ADAMTSL1: variants seen among roughly 807,000 people sequenced by gnomAD.
The protein encoded by ADAMTSL1 is ADAMTS like 1, also known as ADAMTS-like protein 1.
ADAMTSL1 carries 126 observed loss-of-function variants against 201.8 expected under a neutral mutation model. That is an observed-to-expected ratio of 0.62 (90% CI 0.54 to 0.72). The LOEUF is 0.72. Ranked by LOEUF, ADAMTSL1 falls within the 30% of genes least tolerant of loss-of-function variation. The pLI is 0.00. For missense variants in ADAMTSL1, 2,679 were observed against 2,277.8 expected (o/e 1.18, Z -3.59); for synonymous variants, 1,121 against 903.4 (o/e 1.24, Z -4.32).
At chr9:17,992,106 G>A (rs1023930421) in intron 1 of ADAMTSL1, among the ~76,000 whole-genome samples, 7 of 152,122 alleles carry the variant, frequency 4.6e-5, no homozygotes, top group South Asian at 2.1e-4. Flanking sequence ...ACTTTCTCAC[G>A]GGCCATATAG....
chr9:18,093,790 G>A (rs1257667840), intron 1 of ADAMTSL1, among the ~76,000 whole-genome samples: 1 of 152,162 alleles, frequency 6.6e-6, no homozygotes, highest in East Asian at 1.9e-4. Flanking sequence ...CACTGAGGAA[G>A]AGATCACACA....
At chr9:18,599,803 AT>A (rs1824506741) in intron 4 of ADAMTSL1, among the ~76,000 whole-genome samples, 2 of 150,670 alleles carry the variant, frequency 1.3e-5, no homozygotes, top group African/African-American at 4.8e-5. Context: ...TAATTTATTT[AT>A]AACTGTAATA....
Position 18,753,526 on chromosome 9 carries a change from T to A in ADAMTSL1, c.2217+18T>A, listed in dbSNP as rs1421104225. 3.1e-6 allele frequency: 5 copies of A among 1,600,708 alleles called. No homozygotes were observed. The South Asian group carries it at 5.6e-5, about 18-fold the overall frequency. On this transcript the variant is annotated intron_variant, in intron 16 of 28. Transcript: ENST00000380548. ...GGCAGCCGGTGAGTTCTGAAGTTAC[T>A]CAATATTGGAGCTTTTGTTTGCAAC...
intron 2 of ADAMTSL1, among the ~76,000 whole-genome samples, chr9:18,456,626 G>A (rs972660180): frequency 1.3e-5 from 2 of 152,032 alleles, no homozygotes; most frequent in Non-Finnish European, 2.9e-5. Flanking sequence ...CTTTTTATTC[G>A]ATTACCACAT....
intron 2 of ADAMTSL1, among the ~76,000 whole-genome samples, chr9:18,297,831 T>C (rs532208683): frequency 6.6e-6 from 1 of 152,346 alleles, no homozygotes; most frequent in Admixed American, 6.5e-5. Flanking sequence ...TAAAAAATAT[T>C]GTACCTAGTA....
intron 4 of ADAMTSL1, among the ~76,000 whole-genome samples, chr9:18,575,470 A>G (rs1050709224): frequency 2.0e-5 from 3 of 152,214 alleles, no homozygotes; most frequent in African/African-American, 4.8e-5. Context: ...GAGTTATTCA[A>G]TCAACATTCT....
In ADAMTSL1 at chr9:18,892,399, AC is replaced by A; in HGVS notation, c.4656del (p.Ser1553ProfsTer18). The A allele has an allele frequency of 6.2e-7, 1 of 1,612,400 alleles. No homozygotes were observed. The highest frequency in any genetic ancestry group is 2.2e-5 in the East Asian group (1 of 44,844). Reference protein sequence around the residue: ...RRDCPSRWMVTSWSACTRSCG... With the variant: ...RRDCPSRWMVXSWSACTRSCG... ...TCTTCCTCTCCCCAGGTGGATGGTG[AC>A]CTCCTGGTCTGCCTGTACCCGGAGC... On this transcript the variant is annotated frameshift_variant, in exon 26 of 29. Coordinates refer to ENST00000380548, the MANE Select transcript of ADAMTSL1 (RefSeq NM_001040272.6). LOFTEE classifies it high-confidence loss of function.
chr9:18,863,240 T>C (rs1171789200), intron 23 of ADAMTSL1, among the ~76,000 whole-genome samples: 1 of 152,194 alleles, frequency 6.6e-6, no homozygotes. Flanking sequence ...AGTAACCCAA[T>C]CATTTTGGAA....
intron 20 of ADAMTSL1, among the ~76,000 whole-genome samples, chr9:18,807,359 T>C (rs956773876): frequency 1.3e-5 from 2 of 152,174 alleles, no homozygotes; most frequent in Non-Finnish European, 2.9e-5. Flanking sequence ...GCATACATAG[T>C]ACAGGCCGGG....
At chr9:18,170,754 G>A (rs1827853850) in intron 2 of ADAMTSL1, among the ~76,000 whole-genome samples, 1 of 152,028 alleles carries the variant, frequency 6.6e-6, no homozygotes, top group Non-Finnish European at 1.5e-5. Context: ...TCTCAGAAAG[G>A]CCAGCCCATG....
chr9:18,787,697 A>T (rs1388452044), intron 19 of ADAMTSL1, among the ~76,000 whole-genome samples: 2 of 152,208 alleles, frequency 1.3e-5, no homozygotes, highest in Admixed American at 6.5e-5. Context: ...TAAACTGACT[A>T]TACTCAACTC....
chr9:18,099,285 C>G (rs150714770), intron 1 of ADAMTSL1, among the ~76,000 whole-genome samples: 2 of 135,060 alleles, frequency 1.5e-5, no homozygotes, highest in Non-Finnish European at 3.1e-5. Flanking sequence ...TTTTCTTTCC[C>G]GAGTAAGTCA....
intron 2 of ADAMTSL1, among the ~76,000 whole-genome samples, chr9:18,310,043 A>G (rs1350098042): frequency 6.6e-6 from 1 of 152,102 alleles, no homozygotes; most frequent in Non-Finnish European, 1.5e-5. Flanking sequence ...CACATCTACA[A>G]CCATCTGATC....
At chr9:18,310,521 A>C (rs1834106433) in intron 2 of ADAMTSL1, among the ~76,000 whole-genome samples, 1 of 152,178 alleles carries the variant, frequency 6.6e-6, no homozygotes. Context: ...AGAAAAAACA[A>C]CCCCATCAAA....
intron 1 of ADAMTSL1, among the ~76,000 whole-genome samples, chr9:18,068,162 C>A (rs1822793617): frequency 6.6e-6 from 1 of 152,048 alleles, no homozygotes; most frequent in Admixed American, 6.5e-5. Flanking sequence ...CCCACCCCAC[C>A]CTTAGAAATG....
upstream of ADAMTSL1, among the ~76,000 whole-genome samples, chr9:18,470,081 G>C (rs752505823): frequency 6.6e-6 from 1 of 152,164 alleles, no homozygotes; most frequent in African/African-American, 2.4e-5. Flanking sequence ...ATCTGTCAGC[G>C]TCTCAGATGG....
At chr9:18,302,212 C>T (rs968701499) in intron 2 of ADAMTSL1, among the ~76,000 whole-genome samples, 2 of 152,074 alleles carry the variant, frequency 1.3e-5, no homozygotes, top group African/African-American at 2.4e-5. Flanking sequence ...AGAGGGAACT[C>T]CCCCTGCTGA....
chr9:18,600,880 C>T (rs1356177998), intron 4 of ADAMTSL1, among the ~76,000 whole-genome samples: 2 of 151,980 alleles, frequency 1.3e-5, no homozygotes, highest in African/African-American at 4.8e-5. Flanking sequence ...ATTCTTGGAA[C>T]TATACATCTC....
At chr9:18,011,787 C>T (rs1208404812) in intron 1 of ADAMTSL1, among the ~76,000 whole-genome samples, 1 of 152,002 alleles carries the variant, frequency 6.6e-6, no homozygotes, top group Non-Finnish European at 1.5e-5. Flanking sequence ...ACAACCAGTG[C>T]ATAATACAGA....
Sources: allele counts gnomAD v4.1 joint callset (sites outside exome capture counted in the v4.1 genomes callset), GRCh38; gene constraint gnomAD v4.1.1; transcripts MANE v1.5; gene names NCBI Gene and HGNC (gene_info 2026-07-23, HGNC 2026-07-21).